PALM2AKAP2: variants seen among roughly 807,000 people sequenced by gnomAD.
PALM2AKAP2 encodes PALM2 and AKAP2 fusion, also known as PALM2-AKAP2 fusion protein.
A neutral mutation model predicts 71.5 loss-of-function variants in PALM2AKAP2; 37 were observed. The observed-to-expected ratio is 0.52, with a 90% confidence interval of 0.40 to 0.68. PALM2AKAP2 has a LOEUF of 0.68. Among genes scored for constraint, PALM2AKAP2 ranks in the 30% least tolerant of loss-of-function variants. The probability of loss-of-function intolerance (pLI) is 0.00; values close to 1 mark genes in which losing one functional copy is unlikely to be tolerated. For missense variants in PALM2AKAP2, 1,224 were observed against 1,191.8 expected (o/e 1.03, Z -0.40); for synonymous variants, 468 against 478.8 (o/e 0.98, Z 0.29).
intron 1 of PALM2AKAP2, among the ~76,000 whole-genome samples, chr9:109,729,631 G>A (rs900513678): frequency 6.6e-6 from 1 of 152,194 alleles, no homozygotes; most frequent in Non-Finnish European, 1.5e-5. Context: ...AATTCTGTCA[G>A]TGCGGTATGA....
intron 6 of PALM2AKAP2, among the ~76,000 whole-genome samples, chr9:109,962,457 G>A (rs1831867736): frequency 6.6e-6 from 1 of 152,042 alleles, no homozygotes; most frequent in South Asian, 2.1e-4. Context: ...GTTTATGGAT[G>A]CCTTATTGAG....
At chr9:109,710,655 T>C (rs529833626) in intron 1 of PALM2AKAP2, among the ~76,000 whole-genome samples, 1 of 152,272 alleles carries the variant, frequency 6.6e-6, no homozygotes, top group South Asian at 2.1e-4. Flanking sequence ...GATGACAGAG[T>C]ACAGTGCTTG....
At chr9:109,938,689 A>T (rs1315795749) in intron 6 of PALM2AKAP2, among the ~76,000 whole-genome samples, 1 of 152,198 alleles carries the variant, frequency 6.6e-6, no homozygotes, top group Admixed American at 6.5e-5. Flanking sequence ...CCAAAAAACC[A>T]TTAAGAAGGT....
chr9:109,696,607 A>T (rs1294436361), intron 1 of PALM2AKAP2, among the ~76,000 whole-genome samples: 2 of 152,206 alleles, frequency 1.3e-5, no homozygotes, highest in African/African-American at 2.4e-5. Flanking sequence ...GTTGGTACAC[A>T]TATACAAAGA....
chr9:110,135,181 A>G (rs1422636266), intron 1 of PALM2AKAP2, among the ~76,000 whole-genome samples: 2 of 109,672 alleles, frequency 1.8e-5, no homozygotes, highest in South Asian at 3.2e-4. Context: ...AAATATATAT[A>G]TATATATAAA....
intron 2 of PALM2AKAP2, among the ~76,000 whole-genome samples, chr9:110,146,881 A>G (rs1381206850): frequency 2.0e-5 from 3 of 152,304 alleles, no homozygotes; most frequent in Non-Finnish European, 1.5e-5. Flanking sequence ...CCTTGAAGGT[A>G]AACTTAAAAG....
chr9:109,873,901 G>C (rs1327194763), intron 2 of PALM2AKAP2, among the ~76,000 whole-genome samples: 1 of 152,172 alleles, frequency 6.6e-6, no homozygotes, highest in East Asian at 1.9e-4. Flanking sequence ...CAGTACTTGG[G>C]AGGCTGAGGT....
chr9:110,079,556 T>C (rs1834397142), intron 1 of PALM2AKAP2, among the ~76,000 whole-genome samples: 1 of 152,168 alleles, frequency 6.6e-6, no homozygotes, highest in Admixed American at 6.5e-5. Flanking sequence ...TCCCTGTGTT[T>C]TCCCACAAGG....
At chr9:110,161,631 C>A (rs1316851922) in intron 3 of PALM2AKAP2, among the ~76,000 whole-genome samples, 1 of 152,132 alleles carries the variant, frequency 6.6e-6, no homozygotes, top group Admixed American at 6.5e-5. Context: ...CCTCCACAAA[C>A]CAACTGCTGT....
chr9:109,675,248 T>C (rs1419339791), intron 1 of PALM2AKAP2, among the ~76,000 whole-genome samples: 3 of 152,158 alleles, frequency 2.0e-5, no homozygotes, highest in Admixed American at 2.0e-4. Context: ...ATGTTCAAAT[T>C]TGGTGGGTGA....
At chr9:109,992,640 C>T (rs554780022) in intron 6 of PALM2AKAP2, among the ~76,000 whole-genome samples, 2 of 152,048 alleles carry the variant, frequency 1.3e-5, no homozygotes, top group Non-Finnish European at 2.9e-5. Flanking sequence ...TAACAGGCTG[C>T]CTTTATGAAA....
At chr9:109,733,733 T>C (rs1828588693) in intron 1 of PALM2AKAP2, among the ~76,000 whole-genome samples, 1 of 152,222 alleles carries the variant, frequency 6.6e-6, no homozygotes, top group South Asian at 2.1e-4. Context: ...ATGTAATCAT[T>C]TGGGGGAATC....
chr9:109,723,771 C>T (rs73529182), intron 1 of PALM2AKAP2, among the ~76,000 whole-genome samples: 322 of 152,328 alleles, frequency 2.1e-3, no homozygotes, highest in African/African-American at 7.6e-3. Flanking sequence ...TAGGCATGAG[C>T]TAAAACAAAT....
chr9:109,678,917 C>A (rs1436804216), intron 1 of PALM2AKAP2, among the ~76,000 whole-genome samples: 1 of 152,102 alleles, frequency 6.6e-6, no homozygotes, highest in Admixed American at 6.6e-5. Flanking sequence ...CGTGCAAAGG[C>A]TTTCATATTC....
intron 1 of PALM2AKAP2, among the ~76,000 whole-genome samples, chr9:109,713,751 G>C (rs1330484885): frequency 6.6e-6 from 1 of 152,196 alleles, no homozygotes; most frequent in Non-Finnish European, 1.5e-5. Context: ...CCAGGAACCT[G>C]GAAGGAGGAA....
At chr9:109,885,972 C>A (rs1441042631) in intron 3 of PALM2AKAP2, among the ~76,000 whole-genome samples, 1 of 152,176 alleles carries the variant, frequency 6.6e-6, no homozygotes, top group Non-Finnish European at 1.5e-5. Context: ...AACCCGGCTG[C>A]CACAGTGGAG....
chr9:109,780,324 C>A (rs185972588), upstream of PALM2AKAP2: 9 of 1,409,566 alleles, frequency 6.4e-6, no homozygotes, highest in Non-Finnish European at 7.4e-6. Context: ...GCGAGCCCGC[C>A]GTGCGCACAG....
intron 1 of PALM2AKAP2, among the ~76,000 whole-genome samples, chr9:109,697,090 T>C (rs771565826): frequency 6.6e-6 from 1 of 152,094 alleles, no homozygotes; most frequent in Non-Finnish European, 1.5e-5. Flanking sequence ...CCCCCTTAGG[T>C]TGTGCTTCTA....
intron 6 of PALM2AKAP2, among the ~76,000 whole-genome samples, chr9:110,004,326 A>G (rs1383475872): frequency 6.6e-6 from 1 of 152,140 alleles, no homozygotes; most frequent in Non-Finnish European, 1.5e-5. Flanking sequence ...TGGGTTGAAA[A>G]TTCTTTCCTT....
Sources: allele counts gnomAD v4.1 joint callset (sites outside exome capture counted in the v4.1 genomes callset), GRCh38; gene constraint gnomAD v4.1.1; transcripts MANE v1.5; gene names NCBI Gene and HGNC (gene_info 2026-07-23, HGNC 2026-07-21).